The following ZDHHC5 variants were observed in gnomAD, a reference collection of about 807,000 sequenced individuals.
ZDHHC5 encodes zDHHC palmitoyltransferase 5, also known as palmitoyltransferase ZDHHC5.
Under a neutral mutation model 70.0 loss-of-function variants are expected in ZDHHC5, and 22 were observed. The observed-to-expected ratio is 0.31, with a 90% CI of 0.22 to 0.45. The LOEUF is 0.45. Ranked by LOEUF, ZDHHC5 falls within the 20% of genes least tolerant of loss-of-function variation. The pLI, the probability that ZDHHC5 is intolerant of heterozygous loss-of-function variation, is 1.00. For synonymous variants in ZDHHC5, 313 were observed against 347.8 expected, an observed-to-expected ratio of 0.90 and a Z score of 1.11; for missense variants, 746 against 926.9, an observed-to-expected ratio of 0.80 and a Z score of 2.53.
At chr11:57,699,726 C>A in intron 11 of ZDHHC5, 140 bp from the exon 12 acceptor site, 3 of 1,158,878 alleles carry the variant, frequency 2.6e-6, no homozygotes, top group Non-Finnish European at 3.7e-6. Context: ...TTAAGCAGGG[C>A]AATAAAGGGG....
chr11:57,679,875 A>C (rs1946126456), intron 2 of ZDHHC5, among the ~76,000 whole-genome samples: 1 of 152,132 alleles, frequency 6.6e-6, no homozygotes, highest in Non-Finnish European at 1.5e-5. Flanking sequence ...GGTTCTGTGA[A>C]TCTAGGAGCA....
chr11:57,689,951 C>T (rs1007071338), intron 4 of ZDHHC5, 80 bp from the exon 5 acceptor site: 5 of 1,478,946 alleles, frequency 3.4e-6, no homozygotes, highest in African/African-American at 1.4e-5. Flanking sequence ...AACTTAGCTG[C>T]CATTTGTTTC....
At chr11:57,681,237 A>C (rs1946146462) in intron 2 of ZDHHC5, among the ~76,000 whole-genome samples, 3 of 152,128 alleles carry the variant, frequency 2.0e-5, no homozygotes, top group Admixed American at 2.0e-4. Flanking sequence ...GTGGGTGCAG[A>C]TACCTTTTCT....
At chr11:57,677,013 C>T (rs1256050339) in intron 2 of ZDHHC5, among the ~76,000 whole-genome samples, 2 of 144,648 alleles carry the variant, frequency 1.4e-5, no homozygotes, top group South Asian at 4.4e-4. Context: ...GCTCTGCCTC[C>T]TGGGTTCATG....
chr11:57,699,494 T>C, intron 11 of ZDHHC5, 76 bp downstream of exon 11: 3 of 1,506,478 alleles, frequency 2.0e-6, no homozygotes, highest in Non-Finnish European at 2.6e-6. Context: ...TCAGGGCTTC[T>C]GTTGTACATC....
chr11:57,695,671 T>C (rs920724024), intron 8 of ZDHHC5, among the ~76,000 whole-genome samples: 3 of 151,864 alleles, frequency 2.0e-5, no homozygotes, highest in Non-Finnish European at 4.4e-5. Flanking sequence ...CATGTGCCTG[T>C]AATCCCAGCT....
At chr11:57,685,766 G>T (rs1248546632) in intron 3 of ZDHHC5, among the ~76,000 whole-genome samples, 2 of 152,150 alleles carry the variant, frequency 1.3e-5, no homozygotes, top group Non-Finnish European at 2.9e-5. Context: ...CGTGACTCAC[G>T]CCTGTAATCC....
Position 57,692,607 on chromosome 11 carries a change from C to T in ZDHHC5, c.661-4C>T. ...CTAACCTGGTATTTTTTTTCTCCCT[C>T]TAGGTTACGGGTAAATTCCGGGGAG... On this transcript the variant is annotated splice_region_variant and splice_polypyrimidine_tract_variant and intron_variant, in intron 6 of 11. Coordinates refer to ENST00000287169, the MANE Select transcript of ZDHHC5 (RefSeq NM_015457.3). 6.2e-7 allele frequency: 1 copy of T among 1,613,452 alleles called. No individual in the cohort carries two copies. Among genetic ancestry groups the T allele is most frequent in the African/African-American group, 1.3e-5 (1 of 75,000 alleles).
intron 3 of ZDHHC5, among the ~76,000 whole-genome samples, chr11:57,686,909 CA>C (rs1337582938): frequency 6.6e-6 from 1 of 151,394 alleles, no homozygotes; most frequent in East Asian, 1.9e-4. Flanking sequence ...TGGCTTACTG[CA>C]ACCTCTGCCT....
rs776111336 is a variant in ZDHHC5, at chr11:57,690,216, G to A, written c.557+13G>A. The A allele has an allele frequency of 6.2e-7, 1 of 1,613,762 alleles. No individual in the cohort carries two copies. The highest frequency in any genetic ancestry group is 8.5e-7 in the Non-Finnish European group (1 of 1,179,746). ...GCACGGCTGTCACGTATCCTTCAAGGCCTTTTAGATTGTGGGATTGGAAGG... is the reference window on the plus strand; with the variant it reads ...GCACGGCTGTCACGTATCCTTCAAGACCTTTTAGATTGTGGGATTGGAAGG... On this transcript the variant is annotated intron_variant, in intron 5 of 11. Coordinates refer to ENST00000287169, the MANE Select transcript of ZDHHC5 (RefSeq NM_015457.3).
At chr11:57,699,787 C>G (rs1481373950) in intron 11 of ZDHHC5, 79 bp from the exon 12 acceptor site, 1 of 1,565,086 alleles carries the variant, frequency 6.4e-7, no homozygotes, top group Non-Finnish European at 8.8e-7. Flanking sequence ...ATTTTTTTCT[C>G]TGAACCTTTG....
chr11:57,692,580 T>A (rs1946298969), intron 6 of ZDHHC5, 31 bp from the exon 7 acceptor site: 17 of 1,607,034 alleles, frequency 1.1e-5, no homozygotes, highest in Non-Finnish European at 1.4e-5. Context: ...AGGTCTCATC[T>A]TCTAACCTGG....
intron 3 of ZDHHC5, among the ~76,000 whole-genome samples, 157 bp downstream of exon 3, chr11:57,682,700 C>T (rs901483972): frequency 2.6e-5 from 4 of 151,992 alleles, no homozygotes; most frequent in Admixed American, 6.6e-5. Context: ...CCTTAAAGTC[C>T]GGGGATTTTG....
intron 2 of ZDHHC5, among the ~76,000 whole-genome samples, chr11:57,681,073 G>T (rs1946144629): frequency 6.6e-6 from 1 of 152,208 alleles, no homozygotes; most frequent in Admixed American, 6.5e-5. Context: ...ATGAATGGCT[G>T]AATGGAATTT....
At position 57,672,637 on chromosome 11, in the gene ZDHHC5, C is replaced by T. The variant is rs1946020622; in HGVS notation, c.-454C>T. ...TGTAGTCGTGGAGGTACTATAGTAT[C>T]TCAGAAGAATTTTTCTTTGCCCAAA... On this transcript the variant is annotated 5_prime_UTR_variant, in exon 2 of 12. Transcript: ENST00000287169. 5.1e-6 allele frequency: 1 copy of T among 195,984 alleles called. No individual in the cohort carries two copies. Among genetic ancestry groups the T allele is most frequent in the East Asian group, 1.2e-4 (1 of 8,292 alleles). The allele number at this position is 195,984 out of a possible 1,614,324, so 12.1% of individuals were successfully genotyped here.
Position 57,699,071 on chromosome 11 carries a change from G to C in ZDHHC5, c.1635G>C (p.Gln545His). 6.2e-7 allele frequency: 1 copy of C among 1,613,548 alleles called. No individual in the cohort carries two copies. The highest frequency in any genetic ancestry group is 8.5e-7 in the Non-Finnish European group (1 of 1,179,930). Residue 545 changes from glutamine to histidine, a missense_variant, in exon 11 of 12, where the codon CAG (glutamine) becomes CAC (histidine). Gln to His is a conservative substitution (Grantham distance 24). Around this residue, in one of 6 missense-constraint regions of ZDHHC5, gnomAD observed 340 missense variants for 350.1 expected, o/e 0.97. Transcript: ENST00000287169. ...NLSRHIVASL[Q>H]EREKLLRQSP... is the part of the protein sequence containing the mutation. Reference sequence around the variant, plus strand: ...CGCGCCACATTGTGGCCTCTCTCCAGGAACGAGAGAAGTTGCTGCGCCAGT... The same window carrying C: ...CGCGCCACATTGTGGCCTCTCTCCACGAACGAGAGAAGTTGCTGCGCCAGT...
At chr11:57,674,489 A>C (rs1946046605) in intron 2 of ZDHHC5, among the ~76,000 whole-genome samples, 1 of 152,152 alleles carries the variant, frequency 6.6e-6, no homozygotes, top group African/African-American at 2.4e-5. Context: ...CTGGGAAGTT[A>C]CTTTGTCATG....
At chr11:57,681,759 T>C (rs908411492) in intron 2 of ZDHHC5, 2 of 152,236 alleles carry the variant, frequency 1.3e-5, no homozygotes, top group African/African-American at 2.4e-5. Flanking sequence ...TGATAGTCTC[T>C]ATCCTCCCCC....
chr11:57,689,641 G>A lies in ZDHHC5; in HGVS notation c.385-390G>A, dbSNP rs534842220. 2.0e-4 allele frequency among the ~76,000 whole-genome samples: 30 copies of A among 151,774 alleles called. No homozygotes were observed. In the East Asian group the frequency reaches 5.8e-3, roughly 29 times the overall value. ...TCTACCCGCCTCGGCCTCTCAAAGT[G>A]CTGGGATTACAGGCGTGAGCCACCG... On this transcript the variant is annotated intron_variant, in intron 4 of 11. Coordinates refer to ENST00000287169, the MANE Select transcript of ZDHHC5 (RefSeq NM_015457.3).
Sources: gnomAD v4.1 joint callset for allele counts (sites outside exome capture counted in the v4.1 genomes callset) on GRCh38, gnomAD v4.1.1 for gene constraint, gnomAD v4.1.1 regional missense constraint, MANE v1.5 for transcripts, NCBI Gene and HGNC (gene_info 2026-07-23, HGNC 2026-07-21) for gene names.